The following PLA2R1 variants were observed in gnomAD, a reference collection of about 807,000 sequenced individuals.
PLA2R1 encodes the protein secretory phospholipase A2 receptor.
Under a neutral mutation model 195.9 loss-of-function variants are expected in PLA2R1, and 158 were observed. The observed-to-expected ratio is 0.81, with a 90% CI of 0.71 to 0.92. The LOEUF (loss-of-function observed/expected upper bound fraction) is 0.92, where lower values mean the gene tolerates loss of function less well. PLA2R1 is among the 40% of genes least tolerant of loss of function. The pLI, the probability that PLA2R1 is intolerant of heterozygous loss-of-function variation, is 0.00. For missense variants in PLA2R1, 1,626 were observed against 1,764.6 expected (o/e 0.92, Z 1.41); for synonymous variants, 586 against 598.2 (o/e 0.98, Z 0.30).
intron 1 of PLA2R1, among the ~76,000 whole-genome samples, chr2:160,050,069 T>G (rs907295551): frequency 6.6e-6 from 1 of 152,240 alleles, no homozygotes; most frequent in Non-Finnish European, 1.5e-5. Context: ...CATTTCCCTA[T>G]GCAACAAACC....
chr2:159,944,289 A>C (rs145510356), intron 28 of PLA2R1, among the ~76,000 whole-genome samples: 213 of 152,310 alleles, frequency 1.4e-3, no homozygotes, highest in African/African-American at 4.9e-3. Context: ...CTCTAGCAGT[A>C]CAGGCCACAG....
rs547645111 is a variant in PLA2R1 at position 159,950,983 on chromosome 2, G to A, written c.3540+357C>T. 8.5e-5 allele frequency among the ~76,000 whole-genome samples: 13 copies of A among 152,156 alleles called. No homozygotes were observed. In the East Asian group the frequency reaches 2.5e-3, roughly 29 times the overall value. On this transcript the variant is annotated intron_variant, in intron 24 of 29. Coordinates refer to ENST00000283243, the MANE Select transcript of PLA2R1 (RefSeq NM_007366.5). The stretch of plus-strand genomic sequence containing the variant: ...AGAAGCATGATTCGTTTTTTCTTGG[G>A]GATTCATTAAATGCCGCAAATTCCC...
intron 11 of PLA2R1, among the ~76,000 whole-genome samples, chr2:160,002,629 C>A (rs570780053): frequency 9.7e-4 from 147 of 152,122 alleles, no homozygotes; most frequent in Non-Finnish European, 1.5e-3. Flanking sequence ...AATGCGGATT[C>A]TTGGACTTTA....
At chr2:159,966,855 A>G (rs1688822338) in intron 20 of PLA2R1, among the ~76,000 whole-genome samples, 1 of 152,214 alleles carries the variant, frequency 6.6e-6, no homozygotes, top group Non-Finnish European at 1.5e-5. Flanking sequence ...TTATTTTATT[A>G]TAAAATATGA....
the PLA2R1 span, among the ~76,000 whole-genome samples, chr2:159,925,966 G>C: frequency 5.3e-5 from 8 of 152,132 alleles, no homozygotes; most frequent in Admixed American, 3.3e-4. Context: ...CCTTTTTGGT[G>C]GGGGGAGGAA....
At chr2:159,988,088 C>G (rs1255377556) in intron 11 of PLA2R1, among the ~76,000 whole-genome samples, 1 of 151,444 alleles carries the variant, frequency 6.6e-6, no homozygotes, top group African/African-American at 2.4e-5. Flanking sequence ...ATGTATTTTT[C>G]CACAGAAACA....
Position 159,960,541 on chromosome 2 carries a change from T to A in PLA2R1, c.2905-3914A>T, listed in dbSNP as rs190965083. On this transcript the variant is annotated intron_variant, in intron 20 of 29. Transcript: ENST00000283243. ...ATGCACAAAATCAAATATTGACTAA[T>A]CCCAAACTAGACAGTGCAAAGCAGC... Among the ~76,000 whole-genome samples the A allele has an allele frequency of 1.6e-4, 25 of 152,288 alleles. No individual in the cohort carries two copies. The East Asian group carries it at 4.4e-3, about 27-fold the overall frequency.
chr2:159,963,389 T>C (rs1688578533), intron 20 of PLA2R1, among the ~76,000 whole-genome samples: 1 of 152,204 alleles, frequency 6.6e-6, no homozygotes, highest in Non-Finnish European at 1.5e-5. Flanking sequence ...AGTAGATAAC[T>C]GGGTTTCATC....
chr2:159,929,807 C>CTATATG (rs138849174), downstream of PLA2R1, among the ~76,000 whole-genome samples: 17 of 150,244 alleles, frequency 1.1e-4, no homozygotes, highest in Non-Finnish European at 5.9e-5. Flanking sequence ...ATGTATATAT[C>CTATATG]TATATGTATA....
chr2:160,045,215 T>C (rs1559003657), intron 1 of PLA2R1, 58 bp from the exon 2 acceptor site: 6 of 1,354,344 alleles, frequency 4.4e-6, no homozygotes, highest in South Asian at 1.3e-5. Context: ...ACTAGCGTCA[T>C]GAGGATCTCA....
At chr2:160,040,550 TA>T (rs1268617114) in intron 3 of PLA2R1, among the ~76,000 whole-genome samples, 2 of 152,250 alleles carry the variant, frequency 1.3e-5, no homozygotes, top group African/African-American at 4.8e-5. Context: ...GAGTTTTACA[TA>T]CTGCACCCAC....
intron 20 of PLA2R1, among the ~76,000 whole-genome samples, chr2:159,965,071 A>G (rs1688696789): frequency 1.3e-5 from 2 of 152,140 alleles, no homozygotes; most frequent in African/African-American, 4.8e-5. Context: ...TGATCCACAC[A>G]TACACAGCCT....
intron 9 of PLA2R1, among the ~76,000 whole-genome samples, chr2:160,014,292 G>A (rs1312062387): frequency 6.6e-6 from 1 of 150,776 alleles, no homozygotes; most frequent in Non-Finnish European, 1.5e-5. Context: ...TTTTGGAGGG[G>A]AAGAAAGTAA....
chr2:159,984,730 G>T (rs1434106416), intron 12 of PLA2R1, among the ~76,000 whole-genome samples: 4 of 152,190 alleles, frequency 2.6e-5, no homozygotes, highest in Non-Finnish European at 4.4e-5. Flanking sequence ...TGAATGGAAG[G>T]TCTTCTGTTG....
At chr2:159,976,311 A>G in intron 16 of PLA2R1, 86 bp from the exon 17 acceptor site, 3 of 798,732 alleles carry the variant, frequency 3.8e-6, no homozygotes, top group African/African-American at 1.7e-5. Flanking sequence ...GTCACTCAAC[A>G]TTAAAAATAA....
At position 160,028,931 on chromosome 2, in the gene PLA2R1, T is replaced by A; in HGVS notation, c.874A>T (p.Met292Leu). Residue 292 changes from methionine to leucine, a missense_variant, in exon 5 of 30, where the codon ATG becomes TTG. Transcript: ENST00000283243. The part of the protein sequence containing the change: ...HMSSKTVEVW[M>L]GLNQLDEHAG... ...TGTTCATCCAGCTGATTGAGGCCCA[T>A]CCACACCTCCACTGTTTTACTGCTC... is the stretch of plus-strand genomic sequence containing the variant. The A allele has an allele frequency of 6.2e-7, 1 of 1,604,610 alleles. No individual in the cohort carries two copies. Among genetic ancestry groups the A allele is most frequent in the Non-Finnish European group, 8.5e-7 (1 of 1,171,206 alleles).
chr2:160,059,118 G>A (rs759944297), intron 1 of PLA2R1, among the ~76,000 whole-genome samples: 1 of 152,136 alleles, frequency 6.6e-6, no homozygotes, highest in Non-Finnish European at 1.5e-5. Flanking sequence ...ATGCTCCTTT[G>A]AGAATCTAAT....
chr2:160,039,773 C>G (rs183376801), intron 3 of PLA2R1, among the ~76,000 whole-genome samples: 1 of 152,108 alleles, frequency 6.6e-6, no homozygotes, highest in Admixed American at 6.5e-5. Context: ...GGGCTGGAAT[C>G]TGGCAGGCTG....
intron 20 of PLA2R1, among the ~76,000 whole-genome samples, chr2:159,962,501 A>G (rs1688514340): frequency 6.6e-6 from 1 of 152,232 alleles, no homozygotes. Flanking sequence ...CTAGAACTAG[A>G]AATACCATTT....
Sources: gnomAD v4.1 joint callset for allele counts (sites outside exome capture counted in the v4.1 genomes callset) on GRCh38, gnomAD v4.1.1 for gene constraint, MANE v1.5 for transcripts, NCBI Gene and HGNC (gene_info 2026-07-23, HGNC 2026-07-21) for gene names.